RPRD2: variants seen among roughly 807,000 people sequenced by gnomAD.
The protein encoded by RPRD2 is regulation of nuclear pre-mRNA domain containing 2.
A neutral mutation model predicts 104.4 loss-of-function variants in RPRD2; 12 were observed. The ratio of observed to expected loss-of-function variants is 0.11; its 90% CI spans 0.07 to 0.19. The LOEUF (loss-of-function observed/expected upper bound fraction) is 0.19. Among genes scored for constraint, RPRD2 ranks in the 10% least tolerant of loss-of-function variants. RPRD2 has a pLI of 1.00. For missense variants in RPRD2, 1,543 were observed against 1,790.1 expected, an observed-to-expected ratio of 0.86 and a Z score of 2.49; for synonymous variants, 714 against 684.9, an observed-to-expected ratio of 1.04 and a Z score of -0.66.
chr1:150,457,332 G>C lies in RPRD2; in HGVS notation c.915G>C (p.Lys305Asn). Residue 305 changes from lysine (K) to asparagine (N), a missense_variant, in exon 8 of 11, where the codon AAG becomes AAC. This residue lies in a region of RPRD2 where 572 missense variants were observed against 787.3 expected (regional missense o/e 0.73). Coordinates refer to ENST00000369068, the MANE Select transcript of RPRD2 (RefSeq NM_015203.5). ...ACCGAGTAAACAATTTAAAGAAGAA[G>C]TTGGATCAATTGAAGTCAACCCTTC... is the stretch of plus-strand genomic sequence containing the variant. The part of the protein sequence containing the change: ...FANRVNNLKK[K>N]LDQLKSTLPD... The C allele has an allele frequency of 6.2e-7, 1 of 1,608,064 alleles. No homozygotes were observed. Among genetic ancestry groups the C allele is most frequent in the Non-Finnish European group, 8.5e-7 (1 of 1,174,420 alleles).
intron 7 of RPRD2, among the ~76,000 whole-genome samples, chr1:150,450,137 A>T (rs1393733068): frequency 1.3e-5 from 2 of 152,150 alleles, no homozygotes; most frequent in African/African-American, 4.8e-5. Flanking sequence ...ATTTTCTGGT[A>T]AAATTTATTC....
At chr1:150,416,888 A>AAAC (rs1664380484) in intron 1 of RPRD2, among the ~76,000 whole-genome samples, 1 of 151,066 alleles carries the variant, frequency 6.6e-6, no homozygotes, top group Non-Finnish European at 1.5e-5. Context: ...AAAAAAAAAA[A>AAAC]AAACAAAAAG....
chr1:150,370,572 CTT>C (rs11288735), intron 1 of RPRD2, among the ~76,000 whole-genome samples: 22,642 of 109,622 alleles, frequency 0.21, 1,881 homozygotes, highest in East Asian at 0.43. Flanking sequence ...TCCATTTTGT[CTT>C]TTTTTTTTTT....
In RPRD2 at chr1:150,460,065, G is replaced by T. The variant is rs1039265412; in HGVS notation, c.1159G>T (p.Asp387Tyr). 1.2e-6 allele frequency: 2 copies of T among 1,613,658 alleles called. No individual in the cohort carries two copies. The highest frequency in any genetic ancestry group is 1.7e-6 in the Non-Finnish European group (2 of 1,179,776). ...TCTTTTCTTTGTTGAAACAGTCGAG[G>T]ACAGGAAGGAAAAACCTGCAGAGAA... is the stretch of plus-strand genomic sequence containing the variant. ...EDDGSKIIVE[D>Y]RKEKPAEKSA... Residue 387 changes from aspartate to tyrosine, a missense_variant, in exon 9 of 11, where the codon GAC becomes TAC. Physicochemically the swap from Asp to Tyr is radical, Grantham distance 160. Transcript: ENST00000369068.
intron 1 of RPRD2, among the ~76,000 whole-genome samples, chr1:150,386,700 G>A (rs1309986723): frequency 1.3e-5 from 2 of 151,998 alleles, no homozygotes; most frequent in African/African-American, 4.8e-5. Flanking sequence ...AAAAATATGA[G>A]AACCACAAGA....
chr1:150,451,072 A>G (rs587755682), intron 7 of RPRD2, among the ~76,000 whole-genome samples: 2 of 152,316 alleles, frequency 1.3e-5, no homozygotes, highest in African/African-American at 4.8e-5. Context: ...TTGATCTGGA[A>G]CAGTTTCTTA....
chr1:150,440,287 C>T (rs926451334), intron 2 of RPRD2, among the ~76,000 whole-genome samples: 2 of 151,952 alleles, frequency 1.3e-5, no homozygotes, highest in Admixed American at 1.3e-4. Flanking sequence ...AGACTGGTCT[C>T]GAACTCCTGA....
At chr1:150,371,091 T>A (rs587645493) in intron 1 of RPRD2, among the ~76,000 whole-genome samples, 1 of 152,208 alleles carries the variant, frequency 6.6e-6, no homozygotes, top group Non-Finnish European at 1.5e-5. Flanking sequence ...TAGAAAAAAA[T>A]CTCTTCATAC....
chr1:150,426,725 T>G (rs1282881765), intron 2 of RPRD2, among the ~76,000 whole-genome samples: 2 of 152,098 alleles, frequency 1.3e-5, no homozygotes, highest in Non-Finnish European at 2.9e-5. Context: ...GGGCAGGGAA[T>G]GGGGAGTTAT....
intron 1 of RPRD2, among the ~76,000 whole-genome samples, chr1:150,391,528 G>T (rs1662064622): frequency 6.6e-6 from 1 of 152,194 alleles, no homozygotes; most frequent in Admixed American, 6.5e-5. Flanking sequence ...GAGATAAAAT[G>T]CAGTGCTAAG....
rs587613127 is a variant in RPRD2 at position 150,395,651 on chromosome 1, C to T, written c.206-21945C>T. ...TCAGCCTCCCAAGTAGCTGGGATTACAGGCACATGCCACCACGCCTGGCTA... is the reference window on the plus strand; with the variant it reads ...TCAGCCTCCCAAGTAGCTGGGATTATAGGCACATGCCACCACGCCTGGCTA... On this transcript the variant is annotated intron_variant, in intron 1 of 10. Transcript: ENST00000369068. Among the ~76,000 whole-genome samples the T allele has an allele frequency of 4.0e-5, 6 of 151,866 alleles. No individual in the cohort carries two copies. In the East Asian group the frequency reaches 1.2e-3, roughly 29 times the overall value.
chr1:150,378,979 TAAAAA>T (rs782457070), intron 1 of RPRD2, among the ~76,000 whole-genome samples: 8 of 84,040 alleles, frequency 9.5e-5, no homozygotes, highest in African/African-American at 1.9e-4. Flanking sequence ...GAGACTTCAT[TAAAAA>T]AAAAAAAAAA....
intron 1 of RPRD2, among the ~76,000 whole-genome samples, chr1:150,396,266 G>A (rs1186487727): frequency 3.3e-5 from 5 of 150,556 alleles, no homozygotes; most frequent in African/African-American, 7.3e-5. Flanking sequence ...TTTGTTAGAC[G>A]TATAGATTGT....
At chr1:150,395,162 C>G (rs1161408592) in intron 1 of RPRD2, among the ~76,000 whole-genome samples, 2 of 152,164 alleles carry the variant, frequency 1.3e-5, no homozygotes, top group South Asian at 2.1e-4. Context: ...CCTTCCCACT[C>G]TTTCCTCCTG....
chr1:150,384,786 C>T (rs1485509681), intron 1 of RPRD2, among the ~76,000 whole-genome samples: 3 of 151,810 alleles, frequency 2.0e-5, no homozygotes, highest in African/African-American at 7.3e-5. Context: ...GGATTACAGG[C>T]GTGAGCCACT....
At position 150,443,212 on chromosome 1, in the gene RPRD2, T is replaced by A. The variant is rs1255478658; in HGVS notation, c.515-19T>A. 9.6e-6 allele frequency: 15 copies of A among 1,561,700 alleles called. No individual in the cohort carries two copies. The highest frequency in any genetic ancestry group is 1.3e-5 in the Non-Finnish European group (15 of 1,150,574). On this transcript the variant is annotated intron_variant, in intron 4 of 10. Coordinates refer to ENST00000369068, the MANE Select transcript of RPRD2 (RefSeq NM_015203.5). Reference sequence around the variant, plus strand: ...TTTTGTGTCTGTATTCTTAATGACCTTTTGTTTAATTCCAACAGCATCTAC... The same window carrying A: ...TTTTGTGTCTGTATTCTTAATGACCATTTGTTTAATTCCAACAGCATCTAC...
rs144210472 is a variant in RPRD2, at chr1:150,399,080, C to T, written c.206-18516C>T. Among the ~76,000 whole-genome samples, 5 of 152,236 alleles carry T rather than the reference C, an allele frequency of 3.3e-5. No individual in the cohort carries two copies. In the East Asian group the frequency reaches 7.7e-4, roughly 24 times the overall value. ...TGCAGTGGTGCCATATAGCTCACTG[C>T]AGCCTCAACCACCTAGGCTCTAGGG... is the stretch of plus-strand genomic sequence containing the variant. On this transcript the variant is annotated intron_variant, in intron 1 of 10. Transcript: ENST00000369068.
chr1:150,386,649 C>T (rs939101301), intron 1 of RPRD2, among the ~76,000 whole-genome samples: 3 of 152,016 alleles, frequency 2.0e-5, no homozygotes, highest in African/African-American at 7.3e-5. Context: ...GTGTGGGTCT[C>T]ATGGTGTTTA....
chr1:150,384,796 T>A (rs1352113901), intron 1 of RPRD2, among the ~76,000 whole-genome samples: 1 of 151,928 alleles, frequency 6.6e-6, no homozygotes, highest in Non-Finnish European at 1.5e-5. Context: ...CGTGAGCCAC[T>A]GCACCCAGCC....
Sources: allele counts gnomAD v4.1 joint callset (sites outside exome capture counted in the v4.1 genomes callset), GRCh38; gene constraint gnomAD v4.1.1; regional missense constraint gnomAD v4.1.1; transcripts MANE v1.5; gene names NCBI Gene and HGNC (gene_info 2026-07-23, HGNC 2026-07-21).